RIT2: variants seen among roughly 807,000 people sequenced by gnomAD.
The protein encoded by RIT2 is GTP-binding protein Rit2.
A neutral mutation model predicts 23.7 loss-of-function variants in RIT2; 24 were observed. The ratio of observed to expected loss-of-function variants is 1.01; its 90% CI spans 0.73 to 1.43. The LOEUF is 1.43. RIT2 is among the 40% of genes most tolerant of loss of function. RIT2 has a pLI of 0.00. For synonymous variants in RIT2, 107 were observed against 91.1 expected (o/e 1.17, Z -0.99); for missense variants, 236 against 266.9 (o/e 0.88, Z 0.81).
chr18:42,780,811 C>A (rs1913793560), intron 4 of RIT2, among the ~76,000 whole-genome samples: 2 of 147,990 alleles, frequency 1.4e-5, no homozygotes, highest in Admixed American at 1.4e-4. Context: ...CCTGAACTAG[C>A]TTTTCAGGCT....
At chr18:42,936,438 G>T (rs1909460206) in intron 3 of RIT2, among the ~76,000 whole-genome samples, 2 of 152,100 alleles carry the variant, frequency 1.3e-5, no homozygotes, top group Admixed American at 1.3e-4. Flanking sequence ...ACACAGAAAA[G>T]TTCAAGAGAT....
intron 4 of RIT2, among the ~76,000 whole-genome samples, chr18:42,823,739 A>C (rs1056324039): frequency 1.3e-5 from 2 of 152,178 alleles, no homozygotes; most frequent in Non-Finnish European, 1.5e-5. Flanking sequence ...TATATTCACC[A>C]TTCTATTTAA....
At chr18:42,828,032 A>T (rs71352055) in intron 4 of RIT2, among the ~76,000 whole-genome samples, 1 of 150,850 alleles carries the variant, frequency 6.6e-6, no homozygotes, top group Non-Finnish European at 1.5e-5. Context: ...AAAAAAGAAA[A>T]ATGTAAAATA....
intron 3 of RIT2, among the ~76,000 whole-genome samples, chr18:42,941,601 T>A (rs956915034): frequency 6.6e-5 from 10 of 152,168 alleles, no homozygotes; most frequent in African/African-American, 2.4e-4. Context: ...CTACTCCCCT[T>A]ATTAAGCAGT....
intron 1 of RIT2, among the ~76,000 whole-genome samples, chr18:43,041,109 T>C (rs186133324): frequency 1.1e-3 from 169 of 152,256 alleles, no homozygotes; most frequent in Non-Finnish European, 1.7e-3. Flanking sequence ...AGGTTAACTA[T>C]GTGGTCATCA....
At chr18:43,039,672 G>A (rs531375694) in intron 1 of RIT2, among the ~76,000 whole-genome samples, 19 of 152,114 alleles carry the variant, frequency 1.2e-4, no homozygotes, top group Non-Finnish European at 8.8e-5. Context: ...CTACTTAGAG[G>A]TAATTTGACA....
intron 4 of RIT2, among the ~76,000 whole-genome samples, chr18:42,813,965 AG>A (rs1905922274): frequency 6.6e-6 from 1 of 152,200 alleles, no homozygotes; most frequent in African/African-American, 2.4e-5. Flanking sequence ...GGGAAACTGA[AG>A]GTCTAGATTA....
At chr18:42,820,472 T>C (rs1411933049) in intron 4 of RIT2, among the ~76,000 whole-genome samples, 1 of 152,158 alleles carries the variant, frequency 6.6e-6, no homozygotes, top group Admixed American at 6.6e-5. Context: ...GCTACATCAA[T>C]AGGCTTTCTA....
At chr18:42,813,503 T>C (rs1905908605) in intron 4 of RIT2, among the ~76,000 whole-genome samples, 1 of 152,306 alleles carries the variant, frequency 6.6e-6, no homozygotes, top group East Asian at 1.9e-4. Flanking sequence ...AAATAATTCA[T>C]GTCTAAACTT....
At chr18:42,984,003 C>T (rs1013723862) in intron 2 of RIT2, among the ~76,000 whole-genome samples, 1 of 152,022 alleles carries the variant, frequency 6.6e-6, no homozygotes, top group African/African-American at 2.4e-5. Context: ...GCAACAATTG[C>T]ATTCTATATG....
At chr18:43,009,260 T>G (rs1911297122) in intron 2 of RIT2, among the ~76,000 whole-genome samples, 1 of 151,760 alleles carries the variant, frequency 6.6e-6, no homozygotes, top group Non-Finnish European at 1.5e-5. Flanking sequence ...AATTTAAATG[T>G]AATGTTGTTG....
chr18:43,104,537 T>C (rs1311950747), intron 1 of RIT2, among the ~76,000 whole-genome samples: 1 of 152,076 alleles, frequency 6.6e-6, no homozygotes, highest in Non-Finnish European at 1.5e-5. Context: ...CATAAATACA[T>C]ATGATTATTA....
chr18:42,888,737 G>C (rs908798860), intron 4 of RIT2, among the ~76,000 whole-genome samples: 1 of 152,000 alleles, frequency 6.6e-6, no homozygotes, highest in Admixed American at 6.6e-5. Flanking sequence ...CCATAAAAAA[G>C]AATGAAATCA....
At chr18:42,812,611 T>C (rs1282410788) in intron 4 of RIT2, among the ~76,000 whole-genome samples, 2 of 152,146 alleles carry the variant, frequency 1.3e-5, no homozygotes, top group Non-Finnish European at 2.9e-5. Flanking sequence ...AATGCATATC[T>C]TTATTTTATA....
chr18:42,783,585 A>G (rs1213749309), intron 4 of RIT2, among the ~76,000 whole-genome samples: 2 of 152,096 alleles, frequency 1.3e-5, no homozygotes, highest in East Asian at 3.9e-4. Flanking sequence ...CAGAGGCTGG[A>G]CAGAGGACAC....
At chr18:43,064,839 G>A (rs1281589059) in intron 1 of RIT2, among the ~76,000 whole-genome samples, 1 of 151,884 alleles carries the variant, frequency 6.6e-6, no homozygotes, top group African/African-American at 2.4e-5. Context: ...TTATTTATGA[G>A]AGAGAGTTGC....
At chr18:43,049,571 A>T (rs188380293) in intron 1 of RIT2, among the ~76,000 whole-genome samples, 1 of 152,294 alleles carries the variant, frequency 6.6e-6, no homozygotes, top group Admixed American at 6.5e-5. Flanking sequence ...ATCATTGTGC[A>T]CTAAATGTTA....
chr18:42,843,651 G>A (rs1036162420), intron 4 of RIT2, among the ~76,000 whole-genome samples: 2 of 152,182 alleles, frequency 1.3e-5, no homozygotes, highest in African/African-American at 2.4e-5. Context: ...TTGGAATAAA[G>A]CAAGAAAGCT....
At chr18:42,774,448 G>GT (rs550901687) in intron 4 of RIT2, among the ~76,000 whole-genome samples, 226 of 152,064 alleles carry the variant, frequency 1.5e-3, no homozygotes, top group Non-Finnish European at 2.7e-3. Flanking sequence ...CAACTTGACT[G>GT]TATCAGTGTA....
Sources: allele counts gnomAD v4.1 joint callset (sites outside exome capture counted in the v4.1 genomes callset), GRCh38; gene constraint gnomAD v4.1.1; transcripts MANE v1.5; gene names NCBI Gene and HGNC (gene_info 2026-07-23, HGNC 2026-07-21).